Variants in SAMD5 observed in about 807,000 individuals in gnomAD.
SAMD5 encodes the protein sterile alpha motif domain containing 5.
SAMD5 carries 13 observed loss-of-function variants against 11.3 expected under a neutral mutation model. The ratio of observed to expected loss-of-function variants is 1.15; its 90% confidence interval spans 0.75 to 1.83. The LOEUF is 1.83. SAMD5 is among the 40% of genes most tolerant of loss of function. The pLI is 0.00. For missense variants in SAMD5, 255 were observed against 239.1 expected (o/e 1.07, Z -0.44); for synonymous variants, 129 against 111.3 (o/e 1.16, Z -1.00).
intron 1 of SAMD5, chr6:147,676,216 C>A (rs1790860807): frequency 6.6e-6 from 1 of 152,006 alleles, no homozygotes; most frequent in Non-Finnish European, 1.5e-5. Context: ...TGCTGGGGAC[C>A]ATTTTGGAAA....
chr6:147,881,300 C>G, the SAMD5 span, among the ~76,000 whole-genome samples: 1 of 152,158 alleles, frequency 6.6e-6, no homozygotes, highest in Non-Finnish European at 1.5e-5. Flanking sequence ...TTAGGGCTAA[C>G]TTAGGCAACG....
intron 1 of SAMD5, among the ~76,000 whole-genome samples, chr6:147,732,388 A>G (rs76957035): frequency 0.033 from 5,012 of 152,300 alleles, 130 homozygotes; most frequent in Non-Finnish European, 0.05. Flanking sequence ...ATAATTCTCT[A>G]ATTTAATTAA....
At chr6:147,597,419 C>A (rs889512085) in intron 1 of SAMD5, among the ~76,000 whole-genome samples, 1 of 152,104 alleles carries the variant, frequency 6.6e-6, no homozygotes, top group Non-Finnish European at 1.5e-5. Context: ...GGGTTTGCTG[C>A]GAGCAAAAAT....
chr6:147,825,695 G>A, the SAMD5 span, among the ~76,000 whole-genome samples: 1 of 152,238 alleles, frequency 6.6e-6, no homozygotes, highest in Middle Eastern at 3.4e-3. Flanking sequence ...AGTGAATTAT[G>A]AGCTGAAGAT....
the SAMD5 span, among the ~76,000 whole-genome samples, chr6:147,850,918 A>G: frequency 6.7e-6 from 1 of 149,686 alleles, no homozygotes; most frequent in Non-Finnish European, 1.5e-5. Context: ...GTGCAAGAGT[A>G]GTGATGCTGA....
chr6:147,872,776 C>T, the SAMD5 span, among the ~76,000 whole-genome samples: 1 of 152,150 alleles, frequency 6.6e-6, no homozygotes, highest in African/African-American at 2.4e-5. Context: ...GTTCAGGCCA[C>T]ACTAATGATG....
At chr6:147,541,446 A>C (rs1409969639) in intron 1 of SAMD5, among the ~76,000 whole-genome samples, 2 of 152,118 alleles carry the variant, frequency 1.3e-5, no homozygotes, top group East Asian at 3.9e-4. Context: ...CAAAGCTCAA[A>C]CTTTTTCCCG....
At chr6:147,579,711 C>A (rs1297536082) in intron 1 of SAMD5, among the ~76,000 whole-genome samples, 1 of 152,128 alleles carries the variant, frequency 6.6e-6, no homozygotes, top group Non-Finnish European at 1.5e-5. Flanking sequence ...CCTGCCTCGG[C>A]CTCCAAAAGT....
chr6:147,781,790 A>G, the SAMD5 span, among the ~76,000 whole-genome samples: 6 of 151,490 alleles, frequency 4.0e-5, no homozygotes, highest in African/African-American at 9.7e-5. Context: ...ACACACACAC[A>G]CACACACACA....
At chr6:147,952,962 A>G in the SAMD5 span, among the ~76,000 whole-genome samples, 145,006 of 152,316 alleles carry the variant, frequency 0.95, 69,106 homozygotes, top group African/African-American at 0.99. Context: ...GACTTTTTAT[A>G]TTTTATACAG....
chr6:147,561,872 C>T (rs76729393), intron 1 of SAMD5, among the ~76,000 whole-genome samples: 8,020 of 152,236 alleles, frequency 0.053, 296 homozygotes, highest in Middle Eastern at 0.099. Flanking sequence ...AAATCACTGA[C>T]GTTTCCTATG....
At chr6:147,527,811 T>C (rs1788366235) in intron 1 of SAMD5, among the ~76,000 whole-genome samples, 1 of 152,138 alleles carries the variant, frequency 6.6e-6, no homozygotes, top group Non-Finnish European at 1.5e-5. Context: ...AAGGTTTTTT[T>C]TATAAAGAGG....
chr6:147,727,861 C>T (rs1457847913), intron 1 of SAMD5, among the ~76,000 whole-genome samples: 1 of 152,114 alleles, frequency 6.6e-6, no homozygotes, highest in Admixed American at 6.5e-5. Context: ...AAATAACAAA[C>T]TAATTGACCA....
intron 1 of SAMD5, among the ~76,000 whole-genome samples, chr6:147,717,453 C>T (rs564791776): frequency 1.6e-4 from 25 of 152,232 alleles, no homozygotes; most frequent in Middle Eastern, 3.4e-3. Context: ...GAGGAATGGA[C>T]GGACTCTGCC....
At chr6:147,916,406 C>T in the SAMD5 span, among the ~76,000 whole-genome samples, 1 of 152,128 alleles carries the variant, frequency 6.6e-6, no homozygotes, top group African/African-American at 2.4e-5. Flanking sequence ...ACATCCTCTC[C>T]AGCACCTGTT....
At chr6:147,580,724 C>T (rs988596032) in intron 1 of SAMD5, among the ~76,000 whole-genome samples, 2 of 152,154 alleles carry the variant, frequency 1.3e-5, no homozygotes, top group African/African-American at 4.8e-5. Context: ...ATTCTGTATT[C>T]TATTTCCTTG....
chr6:147,656,859 A>C (rs766172371), intron 1 of SAMD5, among the ~76,000 whole-genome samples: 1 of 151,648 alleles, frequency 6.6e-6, no homozygotes, highest in Non-Finnish European at 1.5e-5. Flanking sequence ...CCCGCTTCTA[A>C]GAATTTACTC....
chr6:147,629,801 C>CA (rs1478252203), intron 1 of SAMD5, among the ~76,000 whole-genome samples: 8 of 152,276 alleles, frequency 5.3e-5, no homozygotes, highest in African/African-American at 1.9e-4. Flanking sequence ...CCTGTTGTAG[C>CA]ACCTCTTCCT....
At position 147,711,960 on chromosome 6, in the gene SAMD5, A is replaced by T. The variant is rs913857935; in HGVS notation, c.163-25357A>T. 3.9e-5 allele frequency among the ~76,000 whole-genome samples: 6 copies of T among 152,234 alleles called. No homozygotes were observed. The highest frequency in any genetic ancestry group is 1.3e-4 in the Admixed American group (2 of 15,280). On this transcript the variant is annotated intron_variant, in intron 1 of 1. Transcript: ENST00000566741. This position sits in a 1 kb window ranked among gnomAD's most constrained non-coding sequence, Gnocchi z 4.1. ...TAAGATGTATCTTCAGTACCTTGGG[A>T]CAAAGAAATGAGCATTTTCTTACAG... is the stretch of plus-strand genomic sequence containing the variant.
Sources: allele counts gnomAD v4.1 joint callset (sites outside exome capture counted in the v4.1 genomes callset), GRCh38; gene constraint gnomAD v4.1.1; non-coding constraint Gnocchi (gnomAD v3.1); transcripts MANE v1.5; gene names NCBI Gene and HGNC (gene_info 2026-07-23, HGNC 2026-07-21).